The following MOK variants were observed in gnomAD, a reference collection of about 807,000 sequenced individuals.
MOK encodes the protein MAPK/MAK/MRK overlapping kinase.
A neutral mutation model predicts 54.2 loss-of-function variants in MOK; 59 were observed. The ratio of observed to expected loss-of-function variants is 1.09; its 90% CI spans 0.88 to 1.35. The LOEUF is 1.35. Among genes scored for constraint, MOK ranks in the 40% most tolerant of loss-of-function variants. MOK has a pLI of 0.00. For missense variants in MOK, 517 were observed against 526.2 expected, an observed-to-expected ratio of 0.98 and a Z score of 0.17; for synonymous variants, 210 against 202.7, an observed-to-expected ratio of 1.04 and a Z score of -0.31.
At chr14:102,218,522 C>A in the MOK span, among the ~76,000 whole-genome samples, 1 of 152,224 alleles carries the variant, frequency 6.6e-6, no homozygotes, top group Non-Finnish European at 1.5e-5. Context: ...CATGGCCTTG[C>A]TGCTTTATTG....
chr14:102,283,483 A>G lies in MOK; in HGVS notation c.117T>C (p.Phe39=), dbSNP rs757129283. Residue 39 remains phenylalanine (F), a synonymous_variant, in exon 2 of 12, where the codon TTT becomes TTC. Transcript: ENST00000361847. ...AGTGCATCTCTGTAGCCTACCTTTCAAAGCGCTGCTTCATTTGTTTACATG... is the reference window on the plus strand; with the variant it reads ...AGTGCATCTCTGTAGCCTACCTTTCGAAGCGCTGCTTCATTTGTTTACATG... ...YYACKQMKQR[F]ESIEQVNNLR... is the part of the protein sequence containing the mutation. 12 of 1,607,584 alleles carry G rather than the reference A, an allele frequency of 7.5e-6. No individual in the cohort carries two copies. The highest frequency in any genetic ancestry group is 9.3e-6 in the Non-Finnish European group (11 of 1,176,784).
chr14:102,277,965 TG>T (rs1050237645), intron 2 of MOK, among the ~76,000 whole-genome samples: 3 of 151,984 alleles, frequency 2.0e-5, no homozygotes, highest in Non-Finnish European at 4.4e-5. Flanking sequence ...TATGAGGAGG[TG>T]GGGCTTTTGA....
Position 102,229,225 on chromosome 14 carries a change from C to G in MOK, c.*64G>C. 1 of 1,474,938 alleles carries G rather than the reference C, an allele frequency of 6.8e-7. No homozygotes were observed. The highest frequency in any genetic ancestry group is 9.2e-7 in the Non-Finnish European group (1 of 1,091,512). 91.4% of individuals were successfully genotyped at this position (1,474,938 alleles called of 1,614,324 possible). A position where few individuals can be genotyped will look rare whatever the true frequency, so the allele number is the denominator to read the frequency against. ...CCTCCGTGGCGTCTCAGCAGCAGAT[C>G]ACCCAGGCCTGGCCCGGTCGGGCTT... On this transcript the variant is annotated 3_prime_UTR_variant, in exon 12 of 12. Coordinates refer to ENST00000361847, the MANE Select transcript of MOK (RefSeq NM_014226.3).
intron 7 of MOK, among the ~76,000 whole-genome samples, chr14:102,242,588 C>T (rs1034286994): frequency 1.3e-5 from 2 of 152,126 alleles, no homozygotes; most frequent in Admixed American, 6.5e-5. Flanking sequence ...CCTTAACCCA[C>T]TCAACGCCAA....
intron 1 of MOK, among the ~76,000 whole-genome samples, chr14:102,299,419 G>T (rs1043239278): frequency 1.3e-5 from 2 of 151,950 alleles, no homozygotes; most frequent in African/African-American, 4.8e-5. Flanking sequence ...GGAGGCTGAT[G>T]CATGAGAATT....
At chr14:102,261,466 A>G (rs1366785965) in intron 4 of MOK, among the ~76,000 whole-genome samples, 1 of 129,480 alleles carries the variant, frequency 7.7e-6, no homozygotes, top group Non-Finnish European at 1.6e-5. Context: ...TATTCTAAAC[A>G]AAGCTTTCTC....
intron 7 of MOK, among the ~76,000 whole-genome samples, chr14:102,243,802 C>T (rs146420706): frequency 0.011 from 1,708 of 152,344 alleles, 12 homozygotes; most frequent in Middle Eastern, 0.034. Context: ...ACCCTGATCA[C>T]ACTTGGTTTA....
chr14:102,253,422 A>G (rs2066689460), intron 4 of MOK, among the ~76,000 whole-genome samples: 1 of 152,234 alleles, frequency 6.6e-6, no homozygotes, highest in South Asian at 2.1e-4. Context: ...CCTTCAGCCT[A>G]CACTGATTAT....
At chr14:102,298,974 C>T (rs891346678) in intron 1 of MOK, among the ~76,000 whole-genome samples, 5 of 152,080 alleles carry the variant, frequency 3.3e-5, no homozygotes, top group African/African-American at 1.2e-4. Context: ...ACCACGAACC[C>T]ACCAGAAGGA....
chr14:102,276,616 A>C (rs890566006), intron 2 of MOK, among the ~76,000 whole-genome samples: 1 of 151,892 alleles, frequency 6.6e-6, no homozygotes, highest in Non-Finnish European at 1.5e-5. Context: ...GTAACTGCCT[A>C]AGAAAAAATG....
chr14:102,290,065 A>G (rs1439776091), intron 1 of MOK, among the ~76,000 whole-genome samples: 1 of 151,044 alleles, frequency 6.6e-6, no homozygotes, highest in African/African-American at 2.4e-5. Context: ...CGAAATGAAA[A>G]CCCTCTGGGA....
At chr14:102,268,904 G>C (rs1424164190) in intron 2 of MOK, among the ~76,000 whole-genome samples, 1 of 140,260 alleles carries the variant, frequency 7.1e-6, no homozygotes, top group African/African-American at 2.8e-5. Context: ...GACAGTGTGA[G>C]ACTCCGTCTC....
In MOK at chr14:102,232,481, G is replaced by C; in HGVS notation, c.866+54C>G. ...TACCTTGCCCCACCATGTGCCCATGGGTCTCATTTGCCAGGTCCTGCATCT... is the reference window on the plus strand; with the variant it reads ...TACCTTGCCCCACCATGTGCCCATGCGTCTCATTTGCCAGGTCCTGCATCT... On this transcript the variant is annotated intron_variant, in intron 9 of 11. Coordinates refer to ENST00000361847, the MANE Select transcript of MOK (RefSeq NM_014226.3). This position sits in a 1 kb window ranked among gnomAD's most constrained non-coding sequence, Gnocchi z 5.1. The C allele has an allele frequency of 3.2e-6, 5 of 1,563,134 alleles. No individual in the cohort carries two copies. The highest frequency in any genetic ancestry group is 4.4e-6 in the Non-Finnish European group (5 of 1,147,578).
At chr14:102,304,727 G>C (rs1235741376) in intron 1 of MOK, among the ~76,000 whole-genome samples, 1 of 152,184 alleles carries the variant, frequency 6.6e-6, no homozygotes, top group Non-Finnish European at 1.5e-5. Flanking sequence ...GGCTCTCCGA[G>C]ACCCCAAAGT....
At chr14:102,299,539 G>T (rs1472139551) in intron 1 of MOK, among the ~76,000 whole-genome samples, 1 of 151,960 alleles carries the variant, frequency 6.6e-6, no homozygotes, top group Non-Finnish European at 1.5e-5. Context: ...AATTCTCTCT[G>T]ATACAATAGC....
In MOK at chr14:102,283,474, C is replaced by G. The variant is rs762719407; in HGVS notation, c.122+4G>C. Reference sequence around the variant, plus strand: ...TTGGTCCCAAGTGCATCTCTGTAGCCTACCTTTCAAAGCGCTGCTTCATTT... The same window carrying G: ...TTGGTCCCAAGTGCATCTCTGTAGCGTACCTTTCAAAGCGCTGCTTCATTT... On this transcript the variant is annotated splice_donor_region_variant and intron_variant, in intron 2 of 11. Coordinates refer to ENST00000361847, the MANE Select transcript of MOK (RefSeq NM_014226.3). 6.2e-7 allele frequency: 1 copy of G among 1,602,690 alleles called. No individual in the cohort carries two copies. The highest frequency in any genetic ancestry group is 2.2e-5 in the East Asian group (1 of 44,806).
rs990479418 is a variant in MOK at position 102,291,161 on chromosome 14, T to C, written c.8-7569A>G. On this transcript the variant is annotated intron_variant, in intron 1 of 11. Transcript: ENST00000361847. ...AGGACAGAGCACGGTACCATATCCC[T>C]TCTGACAAAAAACCGGAAGCCATAA... is the stretch of plus-strand genomic sequence containing the variant. 2.0e-5 allele frequency among the ~76,000 whole-genome samples: 3 copies of C among 152,152 alleles called. No homozygotes were observed. In the East Asian group the frequency reaches 5.8e-4, roughly 29 times the overall value.
In MOK at chr14:102,229,705, A is replaced by G. The variant is rs200975264; in HGVS notation, c.982-48T>C. Reference sequence around the variant, plus strand: ...TTGGACATAAAACGCTTTCTGCTTTATGGAAATTAGGAAAAACGAAAGAGG... The same window carrying G: ...TTGGACATAAAACGCTTTCTGCTTTGTGGAAATTAGGAAAAACGAAAGAGG... On this transcript the variant is annotated intron_variant, in intron 10 of 11. Transcript: ENST00000361847. The G allele has an allele frequency of 3.3e-6, 5 of 1,508,862 alleles. No homozygotes were observed. In the East Asian group the frequency reaches 1.1e-4, roughly 34 times the overall value. The allele number at this position is 1,508,862 out of a possible 1,614,324, so 93.5% of individuals were successfully genotyped here. A position where few individuals can be genotyped will look rare whatever the true frequency, so the allele number is the denominator to read the frequency against.
Position 102,236,621 on chromosome 14 carries a change from CCT to C in MOK, c.591-2834_591-2833del, listed in dbSNP as rs2065241437. 1.3e-5 allele frequency among the ~76,000 whole-genome samples: 2 copies of C among 152,130 alleles called. No homozygotes were observed. The highest frequency in any genetic ancestry group is 4.8e-5 in the African/African-American group (2 of 41,412). The stretch of plus-strand genomic sequence containing the variant: ...CCTACTCCTCTATGCGAGTCCAGCC[CCT>C]GACCCCTCTCCCCAGTACCCACTTC... On this transcript the variant is annotated intron_variant, in intron 7 of 11. Transcript: ENST00000361847. The surrounding 1 kb of genome is among the most constrained non-coding windows in gnomAD (Gnocchi z 4.5).
Sources: allele counts gnomAD v4.1 joint callset (sites outside exome capture counted in the v4.1 genomes callset), GRCh38; gene constraint gnomAD v4.1.1; non-coding constraint Gnocchi (gnomAD v3.1); transcripts MANE v1.5; gene names NCBI Gene and HGNC (gene_info 2026-07-23, HGNC 2026-07-21).